CLSPN: variants seen among roughly 807,000 people sequenced by gnomAD.
CLSPN encodes claspin.
A neutral mutation model predicts 156.3 loss-of-function variants in CLSPN; 85 were observed. The ratio of observed to expected loss-of-function variants is 0.54; its 90% CI spans 0.46 to 0.65. The LOEUF (loss-of-function observed/expected upper bound fraction) is 0.65, where lower values mean the gene tolerates loss of function less well. CLSPN is among the 30% of genes least tolerant of loss of function. CLSPN has a pLI of 0.00. For missense variants in CLSPN, 1,407 were observed against 1,554.9 expected (o/e 0.90, Z 1.60); for synonymous variants, 534 against 542.4 (o/e 0.98, Z 0.22).
At chr1:35,750,000 A>T (rs1160707785) in intron 10 of CLSPN, among the ~76,000 whole-genome samples, 189 bp from the exon 11 acceptor site, 2 of 147,784 alleles carry the variant, frequency 1.4e-5, no homozygotes, top group Non-Finnish European at 3.0e-5. Flanking sequence ...ACTTTTTTCT[A>T]TTTTTTTTTT....
At chr1:35,762,859 A>G (rs1642529892) in intron 4 of CLSPN, among the ~76,000 whole-genome samples, 1 of 151,996 alleles carries the variant, frequency 6.6e-6, no homozygotes, top group South Asian at 2.1e-4. Flanking sequence ...AGGCTATAGG[A>G]TTGCAAAATT....
downstream of CLSPN, among the ~76,000 whole-genome samples, chr1:35,727,538 G>GT: frequency 6.6e-6 from 1 of 152,324 alleles, no homozygotes; most frequent in South Asian, 2.1e-4. Context: ...TCAAATATTT[G>GT]TCAAAGGAAC....
At chr1:35,763,650 C>T (rs1047081782) in intron 3 of CLSPN, among the ~76,000 whole-genome samples, 1 of 152,120 alleles carries the variant, frequency 6.6e-6, no homozygotes, top group Non-Finnish European at 1.5e-5. Flanking sequence ...ATAAAAAAGC[C>T]TTCTTTCAGT....
At chr1:35,732,105 G>C, downstream of CLSPN, 1 of 958,348 alleles carries the variant, frequency 1.0e-6, no homozygotes, top group Non-Finnish European at 1.2e-6. Flanking sequence ...TTTATAAACA[G>C]AGGCTCTGAA....
chr1:35,751,949 A>T (rs1454955977), intron 9 of CLSPN, among the ~76,000 whole-genome samples: 12 of 152,232 alleles, frequency 7.9e-5, no homozygotes, highest in Admixed American at 7.9e-4. Context: ...AAGAGCTACA[A>T]ATCAAAATAA....
In CLSPN at chr1:35,722,573, T is replaced by TA. The variant is rs199773406; in HGVS notation, c.3910-1594dup. Among the ~76,000 whole-genome samples, 12 of 151,626 alleles carry TA rather than the reference T, an allele frequency of 7.9e-5. No individual in the cohort carries two copies. The East Asian group carries it at 2.4e-3, about 30-fold the overall frequency. On this transcript the variant is annotated intron_variant, in intron 24 of 24. Coordinates refer to the CLSPN transcript ENST00000251195. Reference sequence around the variant, plus strand: ...CCTAAAGCTAGTTATTCCTAAATAATACAATACCTGCTAAGTCAAGTGAAT... The same window carrying TA: ...CCTAAAGCTAGTTATTCCTAAATAATAACAATACCTGCTAAGTCAAGTGAAT...
At position 35,738,107 on chromosome 1, in the gene CLSPN, AAAAAAAATATAT is replaced by A; in HGVS notation, c.3559-22_3559-11del. 9.5e-6 allele frequency: 6 copies of A among 632,554 alleles called. 1 individual carries two copies. Among genetic ancestry groups the A allele is most frequent in the African/African-American group, 4.7e-5 (1 of 21,078 alleles). 39.2% of individuals were successfully genotyped at this position (632,554 alleles called of 1,614,324 possible). ...TTTTCCCCTGCTGTGCCTGAAAAAA[AAAAAAAATATAT>A]ATATATATATATATATATATACAGC... On this transcript the variant is annotated splice_polypyrimidine_tract_variant and intron_variant, in intron 21 of 24. Transcript: ENST00000318121.
At chr1:35,761,750 A>T (rs1417939603) in intron 6 of CLSPN, among the ~76,000 whole-genome samples, 3 of 152,190 alleles carry the variant, frequency 2.0e-5, no homozygotes, top group Admixed American at 2.0e-4. Flanking sequence ...ATCCTGACAC[A>T]ATCAGTCCAT....
intron 24 of CLSPN, among the ~76,000 whole-genome samples, chr1:35,724,694 T>C (rs985815569): frequency 5.9e-5 from 9 of 152,200 alleles, no homozygotes; most frequent in Admixed American, 1.3e-4. Flanking sequence ...AATAACATAG[T>C]GGTGAACATT....
At chr1:35,724,295 G>C (rs1044428771) in intron 24 of CLSPN, among the ~76,000 whole-genome samples, 7 of 152,186 alleles carry the variant, frequency 4.6e-5, no homozygotes, top group Admixed American at 2.6e-4. Context: ...CTCACCAAGA[G>C]AAAGCAAGAG....
In CLSPN at chr1:35,733,883, A is replaced by T; in HGVS notation, c.*2613T>A. 1 of 599,910 alleles carries T rather than the reference A, an allele frequency of 1.7e-6. No homozygotes were observed. The highest frequency in any genetic ancestry group is 2.1e-6 in the Non-Finnish European group (1 of 478,158). 37.2% of individuals were successfully genotyped at this position (599,910 alleles called of 1,614,324 possible). A position where few individuals can be genotyped will look rare whatever the true frequency, so the allele number is the denominator to read the frequency against. On this transcript the variant is annotated 3_prime_UTR_variant, in exon 25 of 25. Transcript: ENST00000318121. ...TGTGGCCCAGCTATTCCAAAGGTTG[A>T]GGAAGGAGGATGCTGAAGCCCAGGA...
At chr1:35,764,965 G>A (rs891522536) in intron 2 of CLSPN, among the ~76,000 whole-genome samples, 8 of 152,174 alleles carry the variant, frequency 5.3e-5, no homozygotes, top group Admixed American at 2.6e-4. Context: ...TCTAACCTCC[G>A]GCAGGTGTTA....
At chr1:35,725,613 C>A (rs1641164450) in intron 24 of CLSPN, among the ~76,000 whole-genome samples, 1 of 151,872 alleles carries the variant, frequency 6.6e-6, no homozygotes, top group Non-Finnish European at 1.5e-5. Flanking sequence ...CAAGGCCTGA[C>A]AGTTCCTTTC....
Position 35,734,855 on chromosome 1 carries a change from C to T in CLSPN, c.*1641G>A. ...GTCCTGACACTGAAACCACAGTATT[C>T]ACATGGAATGTTTTTCCAAAGCAGC... On this transcript the variant is annotated 3_prime_UTR_variant, in exon 25 of 25. Coordinates refer to ENST00000318121, the MANE Select transcript of CLSPN (RefSeq NM_022111.4). The T allele has an allele frequency of 1.0e-6, 1 of 985,412 alleles. No homozygotes were observed. Among genetic ancestry groups the T allele is most frequent in the Non-Finnish European group, 1.2e-6 (1 of 829,932 alleles). The allele number at this position is 985,412 out of a possible 1,614,324, so 61.0% of individuals were successfully genotyped here. A position where few individuals can be genotyped will look rare whatever the true frequency, so the allele number is the denominator to read the frequency against.
At chr1:35,737,859 G>T in intron 22 of CLSPN, 133 bp downstream of exon 22, 1 of 478,468 alleles carries the variant, frequency 2.1e-6, no homozygotes, top group East Asian at 3.0e-5. Context: ...CCACCTCTGT[G>T]AAGCCTCTTT....
chr1:35,751,473 T>C lies in CLSPN; in HGVS notation c.1805A>G (p.Gln602Arg). The change falls in exon 10 of 25, where the codon CAA becomes CGA. Residue 602 changes from glutamine (Q) to arginine (R), a missense_variant. This residue lies in a region of CLSPN where 1,096 missense variants were observed against 1,193.0 expected (regional missense o/e 0.92). Transcript: ENST00000318121. ...AAACCTTCGGAGTTTCATTGCTTCT[T>C]GCAGTTTAGCTTTTAACACCTGAAG... Reference protein sequence around the residue: ...EKLQVLKAKLQEAMKLRRFEE... With the variant: ...EKLQVLKAKLREAMKLRRFEE... The C allele has an allele frequency of 1.2e-6, 2 of 1,614,092 alleles. No individual in the cohort carries two copies. The highest frequency in any genetic ancestry group is 1.7e-6 in the Non-Finnish European group (2 of 1,180,006).
chr1:35,725,213 CT>C (rs1641149459), intron 24 of CLSPN, among the ~76,000 whole-genome samples: 1 of 152,228 alleles, frequency 6.6e-6, no homozygotes, highest in Non-Finnish European at 1.5e-5. Context: ...AATCCTCCCC[CT>C]GTCCCCAACA....
chr1:35,745,562 T>A lies in CLSPN; in HGVS notation c.2855A>T (p.Asp952Val). ...NLCSGKFTSQDASTPASSELN... is the reference protein window; with the variant it reads ...NLCSGKFTSQVASTPASSELN... ...CTCTGATGAGGCTGGAGTGGAGGCA[T>A]CTACATCACAACAAGGAAAAGATGT... Residue 952 changes from aspartate to valine, a missense_variant and splice_region_variant, in exon 16 of 25, where the codon GAT becomes GTT. By Grantham distance (152) the Asp-to-Val change is radical. Around this residue, in one of 3 missense-constraint regions of CLSPN, gnomAD observed 1,096 missense variants for 1,193.0 expected, o/e 0.92. Coordinates refer to ENST00000318121, the MANE Select transcript of CLSPN (RefSeq NM_022111.4). 6.3e-7 allele frequency: 1 copy of A among 1,595,984 alleles called. No homozygotes were observed. Among genetic ancestry groups the A allele is most frequent in the Non-Finnish European group, 8.6e-7 (1 of 1,163,530 alleles).
Position 35,763,321 on chromosome 1 carries a change from C to T in CLSPN, c.583G>A (p.Glu195Lys), listed in dbSNP as rs199942782. Residue 195 changes from glutamate to lysine, a missense_variant and splice_region_variant, in exon 4 of 25, where the codon GAA becomes AAA. Glu to Lys is a moderately conservative substitution (Grantham distance 56). Transcript: ENST00000318121. ...TTAAATGGCTGTTCTACATCATCTT[C>T]CTAAGTAATACATAAACAAAAAGCA... ...QLKKKETKNQ[E>K]DDVEQPFNDS... 6.3e-7 allele frequency: 1 copy of T among 1,577,976 alleles called. No individual in the cohort carries two copies. The highest frequency in any genetic ancestry group is 2.3e-5 in the East Asian group (1 of 43,364).
Sources: allele counts gnomAD v4.1 joint callset (sites outside exome capture counted in the v4.1 genomes callset), GRCh38; gene constraint gnomAD v4.1.1; regional missense constraint gnomAD v4.1.1; transcripts MANE v1.5; gene names NCBI Gene and HGNC (gene_info 2026-07-23, HGNC 2026-07-21).